Variants in CTNND2 observed in about 807,000 individuals in gnomAD.
CTNND2 encodes catenin delta 2, also known as catenin delta-2.
CTNND2 carries 22 observed loss-of-function variants against 144.4 expected under a neutral mutation model. That is an observed-to-expected ratio of 0.15 (90% CI 0.11 to 0.22). The LOEUF (loss-of-function observed/expected upper bound fraction) is 0.22, where lower values mean the gene tolerates loss of function less well. CTNND2 is among the 10% of genes least tolerant of loss of function. The probability of loss-of-function intolerance (pLI) is 1.00; values close to 1 mark genes in which losing one functional copy is unlikely to be tolerated. For synonymous variants in CTNND2, 751 were observed against 695.6 expected, an observed-to-expected ratio of 1.08 and a Z score of -1.25; for missense variants, 1,353 against 1,618.8, an observed-to-expected ratio of 0.84 and a Z score of 2.82.
intron 1 of CTNND2, among the ~76,000 whole-genome samples, chr5:11,819,169 C>T (rs2126937236): frequency 6.6e-6 from 1 of 152,178 alleles, no homozygotes; most frequent in South Asian, 2.1e-4. Flanking sequence ...GGAATTTAGA[C>T]CACACTGTAA....
intron 3 of CTNND2, among the ~76,000 whole-genome samples, chr5:11,419,744 G>A (rs1308382576): frequency 3.9e-5 from 6 of 152,152 alleles, no homozygotes; most frequent in African/African-American, 1.4e-4. Flanking sequence ...ATATATGAAA[G>A]TTCAAAGCAT....
intron 18 of CTNND2, among the ~76,000 whole-genome samples, chr5:10,998,433 G>A (rs545821248): frequency 3.3e-5 from 5 of 152,278 alleles, no homozygotes; most frequent in Admixed American, 3.3e-4. Context: ...AGCCCCAGGA[G>A]GAACAGAATA....
At chr5:11,152,543 C>T (rs1757836553) in intron 12 of CTNND2, among the ~76,000 whole-genome samples, 1 of 152,182 alleles carries the variant, frequency 6.6e-6, no homozygotes, top group African/African-American at 2.4e-5. Flanking sequence ...TTTCTCAGAA[C>T]ACGTTCCTGT....
At chr5:11,339,267 T>C (rs1484894053) in intron 9 of CTNND2, among the ~76,000 whole-genome samples, 1 of 149,880 alleles carries the variant, frequency 6.7e-6, no homozygotes. Context: ...TGAGCTTTCA[T>C]TAAACAGCCT....
chr5:10,995,467 T>C (rs762894150), intron 18 of CTNND2, among the ~76,000 whole-genome samples: 16 of 152,214 alleles, frequency 1.1e-4, no homozygotes, highest in Non-Finnish European at 1.9e-4. Flanking sequence ...ACAAAAGTGC[T>C]TTCTTTGGTC....
chr5:11,335,555 T>C (rs1430119587), intron 9 of CTNND2, among the ~76,000 whole-genome samples: 1 of 152,114 alleles, frequency 6.6e-6, no homozygotes, highest in Non-Finnish European at 1.5e-5. Context: ...AATTGAGATA[T>C]GCTAAAAATA....
intron 2 of CTNND2, among the ~76,000 whole-genome samples, chr5:11,716,747 C>T (rs765861503): frequency 3.9e-5 from 6 of 151,950 alleles, no homozygotes; most frequent in African/African-American, 7.3e-5. Context: ...AGTGCAGTGG[C>T]GCAATCTCAG....
At chr5:11,861,676 T>C in intron 1 of CTNND2, among the ~76,000 whole-genome samples, 1 of 152,100 alleles carries the variant, frequency 6.6e-6, no homozygotes, top group East Asian at 1.9e-4. Context: ...CTCGATCACG[T>C]CCCTTCTCTG....
At chr5:11,526,810 C>T (rs1474018846) in intron 3 of CTNND2, among the ~76,000 whole-genome samples, 1 of 152,104 alleles carries the variant, frequency 6.6e-6, no homozygotes, top group Non-Finnish European at 1.5e-5. Context: ...CACCAGTTTT[C>T]ACTGCAGCCC....
At position 11,024,658 on chromosome 5, in the gene CTNND2, G is replaced by A. The variant is rs558664603; in HGVS notation, c.2789-1679C>T. Among the ~76,000 whole-genome samples the A allele has an allele frequency of 7.2e-5, 11 of 152,284 alleles. No homozygotes were observed. In the South Asian group the frequency reaches 2.1e-3, roughly 29 times the overall value. The stretch of plus-strand genomic sequence containing the variant: ...CGGGGACATTTACACCCTTGACTGT[G>A]TATGGAGGACTGGTTTCATGACCTT... On this transcript the variant is annotated intron_variant, in intron 16 of 21. Coordinates refer to ENST00000304623, the MANE Select transcript of CTNND2 (RefSeq NM_001332.4).
chr5:11,410,828 T>C (rs1761460623), intron 5 of CTNND2, among the ~76,000 whole-genome samples: 1 of 152,080 alleles, frequency 6.6e-6, no homozygotes, highest in Non-Finnish European at 1.5e-5. Flanking sequence ...CTGCTTTTTA[T>C]GATTTCTACC....
chr5:11,179,298 A>C (rs548674486), intron 11 of CTNND2, among the ~76,000 whole-genome samples: 128 of 152,302 alleles, frequency 8.4e-4, no homozygotes, highest in African/African-American at 2.6e-3. Flanking sequence ...ATCTCAAAAA[A>C]AAGCACAAAA....
At chr5:11,003,898 T>C (rs751798858) in intron 18 of CTNND2, among the ~76,000 whole-genome samples, 1 of 152,242 alleles carries the variant, frequency 6.6e-6, no homozygotes, top group Non-Finnish European at 1.5e-5. Flanking sequence ...ATTTGGATAC[T>C]TAAAGGTACA....
chr5:11,170,567 C>G (rs1413118140), intron 11 of CTNND2, among the ~76,000 whole-genome samples: 2 of 151,894 alleles, frequency 1.3e-5, no homozygotes, highest in Non-Finnish European at 2.9e-5. Context: ...CTAAAACACA[C>G]ATACACACAC....
intron 14 of CTNND2, among the ~76,000 whole-genome samples, chr5:11,098,978 G>C (rs1373702490): frequency 6.6e-6 from 1 of 152,144 alleles, no homozygotes; most frequent in Non-Finnish European, 1.5e-5. Context: ...GTGTATGCAC[G>C]CAAGAGAATG....
At chr5:11,724,911 G>T (rs1447452643) in intron 2 of CTNND2, among the ~76,000 whole-genome samples, 2 of 129,582 alleles carry the variant, frequency 1.5e-5, no homozygotes, top group African/African-American at 7.8e-5. Flanking sequence ...TGTCAAAAGT[G>T]ATTTTTTTTT....
chr5:11,389,795 T>A (rs773115555), intron 6 of CTNND2, among the ~76,000 whole-genome samples: 1 of 152,242 alleles, frequency 6.6e-6, no homozygotes, highest in Non-Finnish European at 1.5e-5. Flanking sequence ...TTTTGAGCAC[T>A]GACATGAATG....
At chr5:11,505,318 T>C (rs1418714944) in intron 3 of CTNND2, among the ~76,000 whole-genome samples, 2 of 151,726 alleles carry the variant, frequency 1.3e-5, no homozygotes, top group Non-Finnish European at 2.9e-5. Flanking sequence ...ATGGGTGGAG[T>C]TTGCCTAGGA....
At chr5:11,443,812 C>A (rs536561637) in intron 3 of CTNND2, among the ~76,000 whole-genome samples, 1 of 152,268 alleles carries the variant, frequency 6.6e-6, no homozygotes, top group South Asian at 2.1e-4. Flanking sequence ...TTAAAACACT[C>A]AGTGAGTTTC....
Sources: gnomAD v4.1 joint callset for allele counts (sites outside exome capture counted in the v4.1 genomes callset) on GRCh38, gnomAD v4.1.1 for gene constraint, MANE v1.5 for transcripts, NCBI Gene and HGNC (gene_info 2026-07-23, HGNC 2026-07-21) for gene names.